Variants in CDH13 observed in about 807,000 individuals in gnomAD.
CDH13 encodes the protein cadherin-13.
Under a neutral mutation model 63.8 loss-of-function variants are expected in CDH13, and 24 were observed. That is an observed-to-expected ratio of 0.38 (90% CI 0.27 to 0.53). The LOEUF is 0.53. Among genes scored for constraint, CDH13 ranks in the 20% least tolerant of loss-of-function variants. CDH13 has a pLI of 0.85. For synonymous variants in CDH13, 503 were observed against 355.3 expected (o/e 1.42, Z -4.67); for missense variants, 1,049 against 903.1 (o/e 1.16, Z -2.07).
intron 5 of CDH13, among the ~76,000 whole-genome samples, chr16:83,256,505 C>T (rs1388398187): frequency 6.6e-6 from 1 of 151,760 alleles, no homozygotes; most frequent in African/African-American, 2.4e-5. Flanking sequence ...TCCTAGGCAC[C>T]TCCAATGAAA....
At chr16:83,110,304 CTT>C (rs1387651952) in intron 3 of CDH13, among the ~76,000 whole-genome samples, 1 of 152,192 alleles carries the variant, frequency 6.6e-6, no homozygotes, top group Non-Finnish European at 1.5e-5. Flanking sequence ...GCATGTCTGT[CTT>C]TCAAAATGAA....
intron 5 of CDH13, among the ~76,000 whole-genome samples, chr16:83,320,374 A>G (rs141694971): frequency 8.3e-4 from 126 of 152,276 alleles, no homozygotes; most frequent in African/African-American, 3.0e-3. Context: ...CCCAGACCAA[A>G]GAACAGGACT....
intron 6 of CDH13, among the ~76,000 whole-genome samples, chr16:83,448,044 A>G (rs1334824550): frequency 1.3e-5 from 2 of 152,194 alleles, no homozygotes; most frequent in African/African-American, 2.4e-5. Context: ...AGGGAATGAG[A>G]GGAAAAGCAC....
chr16:83,157,993 C>T (rs2037284048), intron 4 of CDH13, among the ~76,000 whole-genome samples: 1 of 152,116 alleles, frequency 6.6e-6, no homozygotes, highest in South Asian at 2.1e-4. Flanking sequence ...AGAGCACTAG[C>T]AGCCCCCAAC....
chr16:83,043,521 G>C (rs954759918), intron 3 of CDH13, among the ~76,000 whole-genome samples: 12 of 150,346 alleles, frequency 8.0e-5, no homozygotes, highest in African/African-American at 2.9e-4. Context: ...GTGTGTGTGT[G>C]TGTGTGTATG....
In CDH13 at chr16:82,665,612, G is replaced by C. The variant is rs554799468; in HGVS notation, c.45+38475G>C. On this transcript the variant is annotated intron_variant, in intron 1 of 13. Transcript: ENST00000567109. ...TAAACCATCCTACATCAAAAAGGCG[G>C]CTGCATGCCTACCTCAAACATCACA... is the stretch of plus-strand genomic sequence containing the variant. Among the ~76,000 whole-genome samples the C allele has an allele frequency of 5.9e-5, 9 of 152,138 alleles. No homozygotes were observed. In the East Asian group the frequency reaches 1.7e-3, roughly 30 times the overall value.
intron 2 of CDH13, among the ~76,000 whole-genome samples, chr16:83,014,405 T>C (rs1914476717): frequency 6.6e-6 from 1 of 151,106 alleles, no homozygotes; most frequent in African/African-American, 2.4e-5. Context: ...AGAATGGCTC[T>C]GAACTACTTA....
chr16:83,000,220 CTTAT>C lies in CDH13; in HGVS notation c.158-31787_158-31784del, dbSNP rs1912721880. ...TCCCTAGGAATATCCACAGGTTTAG[CTTAT>C]TTTTTTTTTTTTTTTTTTTTTTTTT... On this transcript the variant is annotated intron_variant, in intron 2 of 13. Coordinates refer to ENST00000567109, the MANE Select transcript of CDH13 (RefSeq NM_001257.5). Among the ~76,000 whole-genome samples the C allele has an allele frequency of 3.4e-3, 114 of 33,930 alleles. 4 individuals are homozygous for C. Among genetic ancestry groups the C allele is most frequent in the African/African-American group, 6.2e-3 (60 of 9,662 alleles). 22.3% of individuals were successfully genotyped at this position (33,930 alleles called of 152,430 possible). A position where few individuals can be genotyped will look rare whatever the true frequency, so the allele number is the denominator to read the frequency against.
chr16:83,523,048 C>T (rs1377798815), intron 7 of CDH13, among the ~76,000 whole-genome samples: 1 of 152,176 alleles, frequency 6.6e-6, no homozygotes, highest in African/African-American at 2.4e-5. Context: ...GTCACTTCTC[C>T]AAAGAAGCAT....
chr16:83,624,877 C>T (rs757037682), intron 8 of CDH13, among the ~76,000 whole-genome samples: 1 of 152,176 alleles, frequency 6.6e-6, no homozygotes, highest in Non-Finnish European at 1.5e-5. Context: ...CAAACAGAAC[C>T]AGTTCCCTTG....
At chr16:83,715,979 T>A (rs945064539) in intron 10 of CDH13, among the ~76,000 whole-genome samples, 1 of 152,208 alleles carries the variant, frequency 6.6e-6, no homozygotes, top group Admixed American at 6.5e-5. Flanking sequence ...ATTGTTAAAA[T>A]CTTTCCCCAG....
chr16:83,740,551 G>A (rs574407306), intron 10 of CDH13, among the ~76,000 whole-genome samples: 3 of 152,178 alleles, frequency 2.0e-5, no homozygotes, highest in Non-Finnish European at 2.9e-5. Context: ...CAGAATGTCT[G>A]TAAAAAGCAA....
In CDH13 at chr16:83,586,185, G is replaced by A. The variant is rs778127769; in HGVS notation, c.961-16269G>A. ...GCGATGACCACCTGTGGACTGCAGC[G>A]GGAAGGTCCGCAGCCTGGGGCTAGA... On this transcript the variant is annotated intron_variant, in intron 7 of 13. Transcript: ENST00000567109. 1.6e-4 allele frequency among the ~76,000 whole-genome samples: 25 copies of A among 152,334 alleles called. 1 individual carries two copies. Among genetic ancestry groups the A allele is most frequent in the South Asian group, 4.1e-4 (2 of 4,826 alleles).
At chr16:83,119,193 T>A (rs2035450994) in intron 3 of CDH13, among the ~76,000 whole-genome samples, 1 of 152,176 alleles carries the variant, frequency 6.6e-6, no homozygotes, top group Non-Finnish European at 1.5e-5. Flanking sequence ...GCTTCTGGTT[T>A]TTCTGCTACG....
At chr16:82,845,910 T>G (rs1223759164) in intron 1 of CDH13, among the ~76,000 whole-genome samples, 1 of 152,242 alleles carries the variant, frequency 6.6e-6, no homozygotes, top group Non-Finnish European at 1.5e-5. Flanking sequence ...TTTTAAGTTT[T>G]CCAAGTGAGC....
intron 10 of CDH13, among the ~76,000 whole-genome samples, chr16:83,698,998 T>A (rs1905805702): frequency 6.6e-6 from 1 of 152,250 alleles, no homozygotes; most frequent in African/African-American, 2.4e-5. Context: ...CATTATGGTA[T>A]CTTCATTTGT....
chr16:83,374,399 C>A (rs767743617), intron 6 of CDH13, among the ~76,000 whole-genome samples: 1 of 152,156 alleles, frequency 6.6e-6, no homozygotes, highest in Non-Finnish European at 1.5e-5. Flanking sequence ...GTGTACTTAT[C>A]TTTTCATGCA....
chr16:83,458,507 G>A (rs1014409096), intron 6 of CDH13, among the ~76,000 whole-genome samples: 1 of 151,850 alleles, frequency 6.6e-6, no homozygotes, highest in African/African-American at 2.4e-5. Flanking sequence ...ACAAACCTAT[G>A]GAGTTATAGA....
chr16:82,775,579 TC>T (rs1338215045), intron 1 of CDH13, among the ~76,000 whole-genome samples: 5 of 152,130 alleles, frequency 3.3e-5, no homozygotes, highest in African/African-American at 1.2e-4. Context: ...TACTCTGTTA[TC>T]CCCCATTTTA....
Sources: gnomAD v4.1 joint callset for allele counts (sites outside exome capture counted in the v4.1 genomes callset) on GRCh38, gnomAD v4.1.1 for gene constraint, MANE v1.5 for transcripts, NCBI Gene and HGNC (gene_info 2026-07-23, HGNC 2026-07-21) for gene names.